Variants in MYO1B observed in about 807,000 individuals in gnomAD.
MYO1B encodes the protein myosin IB, also known as unconventional myosin-Ib.
Under a neutral mutation model 159.7 loss-of-function variants are expected in MYO1B, and 72 were observed. The observed-to-expected ratio is 0.45, with a 90% CI of 0.37 to 0.55. MYO1B has a LOEUF of 0.55. Ranked by LOEUF, MYO1B falls within the 20% of genes least tolerant of loss-of-function variation. MYO1B has a pLI of 0.00. For synonymous variants in MYO1B, 468 were observed against 473.8 expected, an observed-to-expected ratio of 0.99 and a Z score of 0.16; for missense variants, 1,062 against 1,364.8, an observed-to-expected ratio of 0.78 and a Z score of 3.50.
chr2:191,398,444 G>A lies in MYO1B; in HGVS notation c.2296-1938G>A, dbSNP rs1329363009. ...GCTGACCCCCCCCCACCTCCCTCCC[G>A]GACGGAGACGCTCCTCACTTCCCAG... On this transcript the variant is annotated intron_variant, in intron 21 of 30. Coordinates refer to ENST00000392318, the MANE Select transcript of MYO1B (RefSeq NM_001130158.3). Among the ~76,000 whole-genome samples, 5 of 126,438 alleles carry A rather than the reference G, an allele frequency of 4.0e-5. No homozygotes were observed. In the South Asian group the frequency reaches 1.2e-3, roughly 31 times the overall value. 82.9% of individuals were successfully genotyped at this position (126,438 alleles called of 152,430 possible).
intron 1 of MYO1B, chr2:191,263,525 A>G (rs923926050): frequency 6.2e-6 from 1 of 161,330 alleles, no homozygotes; most frequent in Non-Finnish European, 1.3e-5. Context: ...GATTTATAAT[A>G]TAATAATGTA....
At chr2:191,366,028 A>G (rs978993649) in intron 11 of MYO1B, among the ~76,000 whole-genome samples, 5 of 152,214 alleles carry the variant, frequency 3.3e-5, no homozygotes, top group Non-Finnish European at 7.3e-5. Flanking sequence ...AATAAATTCA[A>G]AGGTGACACT....
At chr2:191,359,438 C>A (rs937530888) in intron 7 of MYO1B, among the ~76,000 whole-genome samples, 1 of 151,744 alleles carries the variant, frequency 6.6e-6, no homozygotes, top group Non-Finnish European at 1.5e-5. Flanking sequence ...CAGCATCCTG[C>A]GCCTAATAAT....
chr2:191,339,641 GGA>G (rs1287409005), intron 4 of MYO1B, among the ~76,000 whole-genome samples: 1 of 152,172 alleles, frequency 6.6e-6, no homozygotes, highest in African/African-American at 2.4e-5. Context: ...AAAGCAAATT[GGA>G]GAGAGTTACC....
At chr2:191,357,381 TG>T (rs1693370038) in intron 7 of MYO1B, among the ~76,000 whole-genome samples, 1 of 152,114 alleles carries the variant, frequency 6.6e-6, no homozygotes, top group Non-Finnish European at 1.5e-5. Context: ...GGCAGCGCAG[TG>T]GGGCGGGGGG....
intron 25 of MYO1B, among the ~76,000 whole-genome samples, chr2:191,408,713 G>T (rs2203750): frequency 6.6e-6 from 1 of 152,218 alleles, no homozygotes; most frequent in Non-Finnish European, 1.5e-5. Context: ...TTTAATTTTA[G>T]TTACTTAAAA....
rs771482823 is a variant in MYO1B, at chr2:191,423,861, C to T, written c.3312C>T (p.Asp1104=). ...GGTTCCTGGTACAGTTCAGACAGGA[C>T]AAAGTATGTGTGAAGTTTATTCAGG... The part of the protein sequence containing the change: ...SDEFLVQFRQ[D]KVCVKFIQGN... The change falls in exon 31 of 31, where the codon GAC becomes GAT. Residue 1104 remains aspartate, a synonymous_variant. Transcript: ENST00000392318. 2.0e-5 allele frequency: 33 copies of T among 1,613,714 alleles called. No homozygotes were observed. Among genetic ancestry groups the T allele is most frequent in the Middle Eastern group, 3.3e-4 (2 of 6,082 alleles).
intron 30 of MYO1B, among the ~76,000 whole-genome samples, chr2:191,418,917 G>T (rs1225005168): frequency 6.6e-6 from 1 of 152,210 alleles, no homozygotes; most frequent in African/African-American, 2.4e-5. Flanking sequence ...GCATTTTAAG[G>T]ATAACCTGCA....
At chr2:191,366,888 A>C (rs989649473) in intron 11 of MYO1B, among the ~76,000 whole-genome samples, 1 of 151,210 alleles carries the variant, frequency 6.6e-6, no homozygotes, top group African/African-American at 2.4e-5. Flanking sequence ...GCAGTTTGGC[A>C]CCTGTCCTCT....
intron 2 of MYO1B, among the ~76,000 whole-genome samples, chr2:191,280,436 T>G (rs1175320520): frequency 6.6e-6 from 1 of 152,254 alleles, no homozygotes; most frequent in Non-Finnish European, 1.5e-5. Flanking sequence ...TGGCTGTTTC[T>G]TTGTTCTGAG....
At chr2:191,271,964 G>A (rs1687479025) in intron 1 of MYO1B, among the ~76,000 whole-genome samples, 1 of 152,152 alleles carries the variant, frequency 6.6e-6, no homozygotes, top group Non-Finnish European at 1.5e-5. Flanking sequence ...AAGTTTACGT[G>A]GTAGGTCACA....
intron 15 of MYO1B, 53 bp from the exon 16 acceptor site, chr2:191,385,831 T>C: frequency 3.2e-6 from 5 of 1,565,630 alleles, no homozygotes; most frequent in Non-Finnish European, 4.4e-6. Flanking sequence ...GGAATAATTA[T>C]TAAAACAATA....
At chr2:191,372,059 A>C (rs1694398410) in intron 13 of MYO1B, among the ~76,000 whole-genome samples, 1 of 152,254 alleles carries the variant, frequency 6.6e-6, no homozygotes, top group African/African-American at 2.4e-5. Flanking sequence ...AGAATGCCAA[A>C]GTCATTCTTT....
intron 3 of MYO1B, among the ~76,000 whole-genome samples, chr2:191,300,279 C>T (rs925064263): frequency 1.9e-5 from 2 of 106,828 alleles, no homozygotes; most frequent in African/African-American, 5.7e-5. Flanking sequence ...GCTCAGACTA[C>T]ATACTTTGAA....
intron 13 of MYO1B, chr2:191,371,102 A>G (rs1281033718): frequency 6.6e-6 from 1 of 152,218 alleles, no homozygotes; most frequent in Non-Finnish European, 1.5e-5. Context: ...TTAAGGATCT[A>G]TTAAAACATT....
Position 191,277,137 on chromosome 2 carries a change from C to T in MYO1B, c.135+107C>T, listed in dbSNP as rs1687803635. On this transcript the variant is annotated intron_variant, in intron 2 of 30. Coordinates refer to ENST00000392318, the MANE Select transcript of MYO1B (RefSeq NM_001130158.3). ...CTTTCTTTTTTCTCTCTGTTTGAGT[C>T]CAGCAGTATTTGCTTTATACCCTCA... The T allele has an allele frequency of 8.7e-6, 12 of 1,379,160 alleles. No individual in the cohort carries two copies. The South Asian group carries it at 1.3e-4, about 15-fold the overall frequency. 85.4% of individuals were successfully genotyped at this position (1,379,160 alleles called of 1,614,324 possible). A position where few individuals can be genotyped will look rare whatever the true frequency, so the allele number is the denominator to read the frequency against.
At chr2:191,403,953 T>A (rs1674221656) in intron 24 of MYO1B, among the ~76,000 whole-genome samples, 1 of 152,152 alleles carries the variant, frequency 6.6e-6, no homozygotes, top group African/African-American at 2.4e-5. Flanking sequence ...AAATTCAGTT[T>A]GTAGGGGAAT....
intron 1 of MYO1B, among the ~76,000 whole-genome samples, chr2:191,260,254 C>CTTGTTTTTTTTTTTTTTTTTTT (rs1686718325): frequency 1.6e-5 from 1 of 60,962 alleles, no homozygotes; most frequent in Admixed American, 3.0e-4. Flanking sequence ...CCCAGATAGG[C>CTTGTTTTTTTTTTTTTTTTTTT]TTTTTTTTTT....
intron 1 of MYO1B, among the ~76,000 whole-genome samples, chr2:191,249,569 A>G (rs1685987695): frequency 6.6e-6 from 1 of 152,228 alleles, no homozygotes; most frequent in Non-Finnish European, 1.5e-5. Flanking sequence ...ACTGGGCAAG[A>G]GGTACCAGAC....
Sources: allele counts gnomAD v4.1 joint callset (sites outside exome capture counted in the v4.1 genomes callset), GRCh38; gene constraint gnomAD v4.1.1; transcripts MANE v1.5; gene names NCBI Gene and HGNC (gene_info 2026-07-23, HGNC 2026-07-21).